The following EPS8 variants were observed in gnomAD, a reference collection of about 807,000 sequenced individuals.
EPS8 encodes the protein EGFR pathway substrate 8, signaling adaptor, also known as epidermal growth factor receptor kinase substrate 8.
Under a neutral mutation model 103.8 loss-of-function variants are expected in EPS8, and 42 were observed. The ratio of observed to expected loss-of-function variants is 0.40; its 90% CI spans 0.32 to 0.52. The LOEUF is 0.52. Among genes scored for constraint, EPS8 ranks in the 20% least tolerant of loss-of-function variants. EPS8 has a pLI of 0.40. For missense variants in EPS8, 969 were observed against 1,005.1 expected (o/e 0.96, Z 0.49); for synonymous variants, 344 against 344.6 (o/e 1.00, Z 0.02).
At chr12:15,664,993 A>G (rs1945682721) in intron 8 of EPS8, 1 of 151,938 alleles carries the variant, frequency 6.6e-6, no homozygotes, top group Non-Finnish European at 1.5e-5. Context: ...CATAGGGCCC[A>G]CTTGACAAGA....
chr12:15,710,531 T>C (rs976677308), intron 1 of EPS8, among the ~76,000 whole-genome samples: 2 of 152,172 alleles, frequency 1.3e-5, no homozygotes, highest in Non-Finnish European at 2.9e-5. Flanking sequence ...TTTTAGAAAA[T>C]ATATTGAGCA....
rs1946163716 is a variant in EPS8 at position 15,690,989 on chromosome 12, AC to A, written c.-21-8018del. 6.7e-6 allele frequency among the ~76,000 whole-genome samples: 1 copy of A among 148,670 alleles called. No homozygotes were observed. The highest frequency in any genetic ancestry group is 2.5e-5 in the African/African-American group (1 of 40,668). On this transcript the variant is annotated intron_variant, in intron 1 of 20. Coordinates refer to ENST00000281172, the MANE Select transcript of EPS8 (RefSeq NM_004447.6). This position sits in a 1 kb window ranked among gnomAD's most constrained non-coding sequence, Gnocchi z 4.7. ...CTACACTTGGCTGAATATAAAAAAA[AC>A]AAGCCAGATTGTCAGTAGGTAATCC...
Position 15,727,877 on chromosome 12 carries a change from T to C in EPS8, c.-21-44905A>G, listed in dbSNP as rs1187154285. 1.3e-5 allele frequency among the ~76,000 whole-genome samples: 2 copies of C among 151,958 alleles called. No individual in the cohort carries two copies. The highest frequency in any genetic ancestry group is 2.9e-5 in the Non-Finnish European group (2 of 67,960). On this transcript the variant is annotated intron_variant, in intron 1 of 20. Transcript: ENST00000281172. The surrounding 1 kb of genome is among the most constrained non-coding windows in gnomAD (Gnocchi z 4.3). ...CATCCCCAAAAAAAATAAAATAAAA[T>C]AAATAAGTCTAGTTTCCTTTACTAA...
intron 1 of EPS8, among the ~76,000 whole-genome samples, chr12:15,691,061 G>A (rs1272790111): frequency 6.6e-6 from 1 of 151,898 alleles, no homozygotes. Context: ...TCACAGAAAA[G>A]CTAGGACAAA....
chr12:15,634,725 C>T lies in EPS8; in HGVS notation c.1822-3061G>A, dbSNP rs183036743. The T allele has an allele frequency of 9.6e-3, 3,822 of 398,750 alleles. 28 individuals are homozygous for T. Among genetic ancestry groups the T allele is most frequent in the Non-Finnish European group, 0.013 (2,837 of 225,928 alleles). The allele number at this position is 398,750 out of a possible 1,614,324, so 24.7% of individuals were successfully genotyped here. On this transcript the variant is annotated intron_variant, in intron 17 of 20. Transcript: ENST00000281172. ...ATTAAAAAGAAGTGCCATGAGGGAA[C>T]GAATGTGGGTTACCTCTGACAGCTC...
rs1306909157 is a variant in EPS8, at chr12:15,780,909, A to G, written c.-22+8252T>C. ...TAAGTATTTATGTAAAAATATGATA[A>G]TAAGTGCTAATTTCATTCAGCAAGC... On this transcript the variant is annotated intron_variant, in intron 1 of 20. Coordinates refer to ENST00000281172, the MANE Select transcript of EPS8 (RefSeq NM_004447.6). The surrounding 1 kb of genome is among the most constrained non-coding windows in gnomAD (Gnocchi z 4.1). Among the ~76,000 whole-genome samples, 1 of 152,242 alleles carries G rather than the reference A, an allele frequency of 6.6e-6. No individual in the cohort carries two copies. Among genetic ancestry groups the G allele is most frequent in the African/African-American group, 2.4e-5 (1 of 41,478 alleles).
rs1460460477 is a variant in EPS8, at chr12:15,734,873, T to C, written c.-21-51901A>G. Among the ~76,000 whole-genome samples, 1 of 152,220 alleles carries C rather than the reference T, an allele frequency of 6.6e-6. No individual in the cohort carries two copies. The highest frequency in any genetic ancestry group is 1.5e-5 in the Non-Finnish European group (1 of 68,032). On this transcript the variant is annotated intron_variant, in intron 1 of 20. Coordinates refer to ENST00000281172, the MANE Select transcript of EPS8 (RefSeq NM_004447.6). The surrounding 1 kb of genome is among the most constrained non-coding windows in gnomAD (Gnocchi z 4.1). Reference sequence around the variant, plus strand: ...TATCGATGATCTCAATTGATTCTTATAATATGTAAGCTGGAAGGTAAGCAG... The same window carrying C: ...TATCGATGATCTCAATTGATTCTTACAATATGTAAGCTGGAAGGTAAGCAG...
In EPS8 at chr12:15,771,168, T is replaced by C. The variant is rs1484089643; in HGVS notation, c.-22+17993A>G. Among the ~76,000 whole-genome samples, 2 of 152,226 alleles carry C rather than the reference T, an allele frequency of 1.3e-5. No homozygotes were observed. Among genetic ancestry groups the C allele is most frequent in the East Asian group, 3.8e-4 (2 of 5,196 alleles). Reference sequence around the variant, plus strand: ...TAGACCTTAACTGATGGATTCGATTTGTATATAGAGATAAATTAAAAAGTT... The same window carrying C: ...TAGACCTTAACTGATGGATTCGATTCGTATATAGAGATAAATTAAAAAGTT... On this transcript the variant is annotated intron_variant, in intron 1 of 20. Transcript: ENST00000281172. The surrounding 1 kb of genome is among the most constrained non-coding windows in gnomAD (Gnocchi z 4.6).
intron 3 of EPS8, among the ~76,000 whole-genome samples, chr12:15,676,494 G>A (rs1452698302): frequency 1.3e-5 from 2 of 152,114 alleles, no homozygotes; most frequent in African/African-American, 4.8e-5. Context: ...GGTAAGGAGT[G>A]CAGTCCCTGA....
Position 15,772,607 on chromosome 12 carries a change from A to G in EPS8, c.-22+16554T>C, listed in dbSNP as rs1244158936. 6.6e-6 allele frequency among the ~76,000 whole-genome samples: 1 copy of G among 152,216 alleles called. No homozygotes were observed. The highest frequency in any genetic ancestry group is 1.5e-5 in the Non-Finnish European group (1 of 68,038). On this transcript the variant is annotated intron_variant, in intron 1 of 20. Transcript: ENST00000281172. The surrounding 1 kb of genome is among the most constrained non-coding windows in gnomAD (Gnocchi z 5.0). The stretch of plus-strand genomic sequence containing the variant: ...CTCACTGCTGCCAACAGATGGTGCT[A>G]GAACTTACTTGAGAGTTTCACTTAG...
rs1946392276 is a variant in EPS8, at chr12:15,706,766, T to G, written c.-21-23794A>C. ...TTTTACAACTTATCCAAAGATATTCTTCCTTGGGCAAATTTTGTAATAAAA... is the reference window on the plus strand; with the variant it reads ...TTTTACAACTTATCCAAAGATATTCGTCCTTGGGCAAATTTTGTAATAAAA... On this transcript the variant is annotated intron_variant, in intron 1 of 20. Coordinates refer to ENST00000281172, the MANE Select transcript of EPS8 (RefSeq NM_004447.6). This position sits in a 1 kb window ranked among gnomAD's most constrained non-coding sequence, Gnocchi z 5.2. Among the ~76,000 whole-genome samples, 1 of 152,204 alleles carries G rather than the reference T, an allele frequency of 6.6e-6. No homozygotes were observed. The highest frequency in any genetic ancestry group is 6.5e-5 in the Admixed American group (1 of 15,274).
Position 15,669,780 on chromosome 12 carries a change from C to G in EPS8, c.250G>C (p.Val84Leu), listed in dbSNP as rs1449364141. 1 of 1,613,014 alleles carries G rather than the reference C, an allele frequency of 6.2e-7. No individual in the cohort carries two copies. The highest frequency in any genetic ancestry group is 8.5e-7 in the Non-Finnish European group (1 of 1,179,668). ...TTCAATTTCCTTATTCCATCATCAACAGTGATCATAGCATCTTTCCGATCC... is the reference window on the plus strand; with the variant it reads ...TTCAATTTCCTTATTCCATCATCAAGAGTGATCATAGCATCTTTCCGATCC... ...VLDRKDAMIT[V>L]DDGIRKLKLL... The change falls in exon 5 of 21, where the codon GTT becomes CTT. Residue 84 changes from valine (V) to leucine (L), a missense_variant. Transcript: ENST00000281172.
Position 15,669,834 on chromosome 12 carries a change from T to C in EPS8, c.205-9A>G. On this transcript the variant is annotated splice_polypyrimidine_tract_variant and intron_variant, in intron 4 of 20. Coordinates refer to ENST00000281172, the MANE Select transcript of EPS8 (RefSeq NM_004447.6). ...ACAAAGGTAGTCAAGTGCTTACAAT[T>C]GGCAAAAAGGAAAAAGATTTATAAC... 2 of 1,573,220 alleles carry C rather than the reference T, an allele frequency of 1.3e-6. No homozygotes were observed. Among genetic ancestry groups the C allele is most frequent in the Non-Finnish European group, 8.6e-7 (1 of 1,162,988 alleles).
In EPS8 at chr12:15,697,656, C is replaced by T. The variant is rs1337939436; in HGVS notation, c.-21-14684G>A. Among the ~76,000 whole-genome samples the T allele has an allele frequency of 6.6e-6, 1 of 152,188 alleles. No homozygotes were observed. The highest frequency in any genetic ancestry group is 2.4e-5 in the African/African-American group (1 of 41,454). On this transcript the variant is annotated intron_variant, in intron 1 of 20. Transcript: ENST00000281172. This position sits in a 1 kb window ranked among gnomAD's most constrained non-coding sequence, Gnocchi z 5.6. ...GCTAGAGTTTTTTACCCAAAAATCA[C>T]ATGCTCACATGACCTCTAAAAAGAA...
At chr12:15,646,249 CT>C (rs1945317601) in intron 15 of EPS8, among the ~76,000 whole-genome samples, 3 of 152,086 alleles carry the variant, frequency 2.0e-5, no homozygotes, top group Non-Finnish European at 2.9e-5. Flanking sequence ...GTCACCACCC[CT>C]GACAAAGAAT....
chr12:15,724,791 T>C (rs1946635068), intron 1 of EPS8, among the ~76,000 whole-genome samples: 1 of 152,156 alleles, frequency 6.6e-6, no homozygotes, highest in African/African-American at 2.4e-5. Context: ...ATGTAAGACA[T>C]GCCTTTCACC....
intron 14 of EPS8, among the ~76,000 whole-genome samples, chr12:15,647,535 C>G (rs1230603456): frequency 6.6e-6 from 1 of 152,210 alleles, no homozygotes. Flanking sequence ...TGAAAATCAA[C>G]TGAACCCTAT....
intron 17 of EPS8, among the ~76,000 whole-genome samples, chr12:15,640,336 C>A (rs529376557): frequency 1.3e-5 from 2 of 152,102 alleles, no homozygotes; most frequent in Non-Finnish European, 2.9e-5. Context: ...GGACACCATG[C>A]CGTGATATCA....
chr12:15,647,416 T>C (rs892863235), intron 14 of EPS8, among the ~76,000 whole-genome samples, 156 bp from the exon 15 acceptor site: 1 of 152,200 alleles, frequency 6.6e-6, no homozygotes, highest in Non-Finnish European at 1.5e-5. Context: ...GAGTGACACA[T>C]TTTTGTCAAA....
Sources: allele counts gnomAD v4.1 joint callset (sites outside exome capture counted in the v4.1 genomes callset), GRCh38; gene constraint gnomAD v4.1.1; non-coding constraint Gnocchi (gnomAD v3.1); transcripts MANE v1.5; gene names NCBI Gene and HGNC (gene_info 2026-07-23, HGNC 2026-07-21).